INTS1: variants seen among roughly 807,000 people sequenced by gnomAD.
The protein encoded by INTS1 is integrator complex subunit 1.
INTS1 carries 137 observed loss-of-function variants against 241.6 expected under a neutral mutation model. The ratio of observed to expected loss-of-function variants is 0.57; its 90% CI spans 0.49 to 0.65. INTS1 has a LOEUF of 0.65. Among genes scored for constraint, INTS1 ranks in the 30% least tolerant of loss-of-function variants. INTS1 has a pLI of 0.00. For missense variants in INTS1, 3,073 were observed against 3,032.2 expected, an observed-to-expected ratio of 1.01 and a Z score of -0.32; for synonymous variants, 1,692 against 1,337.8, an observed-to-expected ratio of 1.26 and a Z score of -5.78.
At chr7:1,492,685 A>G (rs960780523) in intron 16 of INTS1, among the ~76,000 whole-genome samples, 1 of 152,240 alleles carries the variant, frequency 6.6e-6, no homozygotes, top group Non-Finnish European at 1.5e-5. Flanking sequence ...ACTGAGCTGG[A>G]GACACCGGGG....
Position 1,500,319 on chromosome 7 carries a change from C to A in INTS1, c.397G>T (p.Gly133Cys). The A allele has an allele frequency of 6.3e-7, 1 of 1,591,584 alleles. No individual in the cohort carries two copies. The highest frequency in any genetic ancestry group is 8.6e-7 in the Non-Finnish European group (1 of 1,167,150). ...LDEIEAAELE[G>C]NDDRIEGVLC... ...ACGCCCTCGATCCTGTCATCGTTGC[C>A]CTCCAGCTCGGCCGCCTCGATCTCA... The change falls in exon 4 of 48, where the codon GGC (glycine) becomes TGC (cysteine). Residue 133 changes from glycine (G) to cysteine (C), a missense_variant. Physicochemically the swap from Gly to Cys is radical, Grantham distance 159 (BLOSUM62 -3). Transcript: ENST00000404767.
rs375278214 is a variant in INTS1, at chr7:1,473,600, T to C, written c.5923A>G (p.Ile1975Val). 1.2e-5 allele frequency: 20 copies of C among 1,609,246 alleles called. No homozygotes were observed. Among genetic ancestry groups the C allele is most frequent in the Non-Finnish European group, 1.6e-5 (19 of 1,178,014 alleles). The change falls in exon 42 of 48, where the codon ATC becomes GTC. Residue 1975 changes from isoleucine to valine, a missense_variant. Coordinates refer to ENST00000404767, the MANE Select transcript of INTS1 (RefSeq NM_001080453.3). ...TCGGCGTGCTTCTGCAGGAAGGAGA[T>C]GGCTGCTGGGGCATTGTAGGTAATG... is the stretch of plus-strand genomic sequence containing the variant. ...KYITYNAPAAISFLQKHADPL... is the reference protein window; with the variant it reads ...KYITYNAPAAVSFLQKHADPL...
rs1354903297 is a variant in INTS1, at chr7:1,500,154, G to A, written c.546+16C>T. 1 of 1,581,574 alleles carries A rather than the reference G, an allele frequency of 6.3e-7. No individual in the cohort carries two copies. Among genetic ancestry groups the A allele is most frequent in the Admixed American group, 1.7e-5 (1 of 57,462 alleles). ...CCCCAGCGCTGCTCGCCTCCTGCCA[G>A]GGGCCCGGCTCAAACCTCAATGACG... On this transcript the variant is annotated intron_variant, in intron 4 of 47. Coordinates refer to ENST00000404767, the MANE Select transcript of INTS1 (RefSeq NM_001080453.3).
rs1262243952 is a variant in INTS1, at chr7:1,475,990, G to A, written c.5460C>T (p.Val1820=). The A allele has an allele frequency of 1.9e-6, 3 of 1,545,448 alleles. No homozygotes were observed. Among genetic ancestry groups the A allele is most frequent in the Admixed American group, 2.0e-5 (1 of 51,004 alleles). Residue 1820 remains valine, a synonymous_variant, in exon 39 of 48, where the codon GTC becomes GTT. Coordinates refer to ENST00000404767, the MANE Select transcript of INTS1 (RefSeq NM_001080453.3). ...RPELRVPVPE[V]LLHSEGAASS... ...TGGCAGCCCCTTCGCTGTGCAGTAGGACCTCAGGCACGGGCACCCGCAGCT... is the reference window on the plus strand; with the variant it reads ...TGGCAGCCCCTTCGCTGTGCAGTAGAACCTCAGGCACGGGCACCCGCAGCT...
Position 1,486,963 on chromosome 7 carries a change from C to G in INTS1, c.2785G>C (p.Asp929His), listed in dbSNP as rs550131338. 11 of 1,607,878 alleles carry G rather than the reference C, an allele frequency of 6.8e-6. No homozygotes were observed. The East Asian group carries it at 1.8e-4, about 26-fold the overall frequency. ...TTCTGCTCCTTGCTCTCGCCCTCGT[C>G]GTCCTCCTCCCCGGAAGCAGCATCG... ...VDDAASGEEDDEGESKEQKAK... is the reference protein window; with the variant it reads ...VDDAASGEEDHEGESKEQKAK... The change falls in exon 21 of 48, where the codon GAC (aspartate) becomes CAC (histidine). Residue 929 changes from aspartate (D) to histidine (H), a missense_variant. Physicochemically the swap from Asp to His is moderately conservative, Grantham distance 81 (BLOSUM62 -1). Transcript: ENST00000404767.
At position 1,487,804 on chromosome 7, in the gene INTS1, C is replaced by T; in HGVS notation, c.2472G>A (p.Glu824=). The change falls in exon 19 of 48, where the codon GAG becomes GAA. Residue 824 remains glutamate, a synonymous_variant. Coordinates refer to ENST00000404767, the MANE Select transcript of INTS1 (RefSeq NM_001080453.3). ...AAASTKQTIT[E]SSSLLLSQLT... ...GCTGCGACAGGAGGAGGCTGCTGCT[C>T]TCAGTGATGGTCTGCTTGGTGGACG... 3 of 1,612,254 alleles carry T rather than the reference C, an allele frequency of 1.9e-6. No homozygotes were observed. Among genetic ancestry groups the T allele is most frequent in the Non-Finnish European group, 2.5e-6 (3 of 1,179,822 alleles).
chr7:1,474,660 T>A (rs186956818), intron 40 of INTS1, 45 bp downstream of exon 40: 1 of 1,528,932 alleles, frequency 6.5e-7, no homozygotes, highest in Admixed American at 2.0e-5. Flanking sequence ...CAGACCCCCC[T>A]GGTTAAACCA....
Position 1,479,448 on chromosome 7 carries a change from G to A in INTS1, c.4311C>T (p.Arg1437=). The A allele has an allele frequency of 1.3e-6, 2 of 1,578,400 alleles. No individual in the cohort carries two copies. Among genetic ancestry groups the A allele is most frequent in the Non-Finnish European group, 1.7e-6 (2 of 1,163,184 alleles). ...CAAGTACCTGGTACTGGCAGAGCTG[G>A]CGCAGCAGCGGGCAGGCCAGGAAGT... is the stretch of plus-strand genomic sequence containing the variant. ...RSHFLACPLL[R]QLCQYQRCVP... The change falls in exon 31 of 48, where the codon CGC becomes CGT. Residue 1437 remains arginine, a synonymous_variant. Transcript: ENST00000404767.
Position 1,480,378 on chromosome 7 carries a change from C to T in INTS1, c.4013G>A (p.Arg1338Gln), listed in dbSNP as rs758338830. ...PEQPIGQGRIRVGTQLRVLGP... is the reference protein window; with the variant it reads ...PEQPIGQGRIQVGTQLRVLGP... ...CAGCACCCGGAGCTGGGTCCCCACC[C>T]GAATCCGGCCCTGGCCTATGGGCTG... is the stretch of plus-strand genomic sequence containing the variant. The change falls in exon 30 of 48, where the codon CGG becomes CAG. Residue 1338 changes from arginine (R) to glutamine (Q), a missense_variant. Coordinates refer to ENST00000404767, the MANE Select transcript of INTS1 (RefSeq NM_001080453.3). 7 of 1,612,528 alleles carry T rather than the reference C, an allele frequency of 4.3e-6. No individual in the cohort carries two copies. Among genetic ancestry groups the T allele is most frequent in the East Asian group, 2.2e-5 (1 of 44,866 alleles).
At position 1,498,569 on chromosome 7, in the gene INTS1, G is replaced by T. The variant is rs1220374996; in HGVS notation, c.1284-16C>A. Reference sequence around the variant, plus strand: ...CAGCAGCTCCCTGGGTGAGGTGAGGGTACAGACCCTGTCCCCGCTACGCCT... The same window carrying T: ...CAGCAGCTCCCTGGGTGAGGTGAGGTTACAGACCCTGTCCCCGCTACGCCT... On this transcript the variant is annotated splice_polypyrimidine_tract_variant and intron_variant, in intron 9 of 47. Coordinates refer to ENST00000404767, the MANE Select transcript of INTS1 (RefSeq NM_001080453.3). 1 of 1,612,798 alleles carries T rather than the reference G, an allele frequency of 6.2e-7. No homozygotes were observed. Among genetic ancestry groups the T allele is most frequent in the African/African-American group, 1.3e-5 (1 of 74,748 alleles).
intron 36 of INTS1, 22 bp downstream of exon 36, chr7:1,476,772 T>A (rs200367907): frequency 7.4e-6 from 12 of 1,612,392 alleles, no homozygotes; most frequent in African/African-American, 1.3e-5. Flanking sequence ...GCAGCCCAGG[T>A]TGGGGACAGG....
Position 1,472,371 on chromosome 7 carries a change from C to T in INTS1, c.6086G>A (p.Gly2029Asp), listed in dbSNP as rs866108669. The T allele has an allele frequency of 6.4e-7, 1 of 1,558,094 alleles. No homozygotes were observed. Among genetic ancestry groups the T allele is most frequent in the African/African-American group, 1.4e-5 (1 of 73,992 alleles). ...DEEGEEESSA[G>D]SLPLVSVSLF... Reference sequence around the variant, plus strand: ...GGAGACGCTGACCAGGGGCAAGGAGCCGGCTGAGCTCTCCTCTGGAAGACA... The same window carrying T: ...GGAGACGCTGACCAGGGGCAAGGAGTCGGCTGAGCTCTCCTCTGGAAGACA... The change falls in exon 44 of 48, where the codon GGC becomes GAC. Residue 2029 changes from glycine to aspartate, a missense_variant. Coordinates refer to ENST00000404767, the MANE Select transcript of INTS1 (RefSeq NM_001080453.3).
At position 1,493,927 on chromosome 7, in the gene INTS1, G is replaced by A. The variant is rs1426477363; in HGVS notation, c.1911-16C>T. On this transcript the variant is annotated splice_polypyrimidine_tract_variant and intron_variant, in intron 14 of 47. Coordinates refer to ENST00000404767, the MANE Select transcript of INTS1 (RefSeq NM_001080453.3). The surrounding 1 kb of genome is among the most constrained non-coding windows in gnomAD (Gnocchi z 5.3). ...CAGGAAGAAGCTGCGGGGTGGGGGA[G>A]GCATGACTCGGTGTGGGCTGCCCAC... The A allele has an allele frequency of 2.8e-5, 43 of 1,550,654 alleles. No individual in the cohort carries two copies. The highest frequency in any genetic ancestry group is 3.6e-5 in the Non-Finnish European group (41 of 1,146,672).
Position 1,481,201 on chromosome 7 carries a change from G to A in INTS1, c.3850+141C>T, listed in dbSNP as rs762554232. The A allele has an allele frequency of 1.5e-5, 15 of 985,392 alleles. No individual in the cohort carries two copies. The highest frequency in any genetic ancestry group is 1.1e-4 in the South Asian group (8 of 72,454). 61.0% of individuals were successfully genotyped at this position (985,392 alleles called of 1,614,324 possible). Reference sequence around the variant, plus strand: ...CTGTGCCAGCCTCACCAACCCACAGGTCTAAGCCTGCCCTCGAGTGCCACC... The same window carrying A: ...CTGTGCCAGCCTCACCAACCCACAGATCTAAGCCTGCCCTCGAGTGCCACC... On this transcript the variant is annotated intron_variant, in intron 28 of 47. Transcript: ENST00000404767. This position sits in a 1 kb window ranked among gnomAD's most constrained non-coding sequence, Gnocchi z 6.8.
In INTS1 at chr7:1,477,785, C is replaced by T. The variant is rs1584264206; in HGVS notation, c.4782G>A (p.Leu1594=). 2 of 1,612,516 alleles carry T rather than the reference C, an allele frequency of 1.2e-6. No homozygotes were observed. The highest frequency in any genetic ancestry group is 8.5e-7 in the Non-Finnish European group (1 of 1,179,806). ...CGTCCGCACCCGGCTTCCCCCCAGC[C>T]AGGGGCTCCTCCTCCTGCAGCAGCA... The part of the protein sequence containing the change: ...SSLLLQEEEP[L]AGGKPGADGG... The change falls in exon 34 of 48, where the codon CTG becomes CTA. Residue 1594 remains leucine (L), a synonymous_variant. Transcript: ENST00000404767.
intron 3 of INTS1, among the ~76,000 whole-genome samples, chr7:1,502,545 C>G (rs1035480275): frequency 2.0e-5 from 3 of 152,152 alleles, no homozygotes; most frequent in Admixed American, 1.3e-4. Flanking sequence ...AGGAACGCAC[C>G]AGGATGGGCA....
Position 1,477,756 on chromosome 7 carries a change from C to A in INTS1, c.4811G>T (p.Gly1604Val), listed in dbSNP as rs781566226. 1.2e-6 allele frequency: 2 copies of A among 1,612,040 alleles called. No homozygotes were observed. Among genetic ancestry groups the A allele is most frequent in the Middle Eastern group, 3.3e-4 (2 of 6,018 alleles). The change falls in exon 34 of 48, where the codon GGC (glycine) becomes GTC (valine). Residue 1604 changes from glycine to valine, a missense_variant. Physicochemically the swap from Gly to Val is moderately radical, Grantham distance 109. Coordinates refer to ENST00000404767, the MANE Select transcript of INTS1 (RefSeq NM_001080453.3). Reference protein sequence around the residue: ...LAGGKPGADGGSLEAVRLGPS... With the variant: ...LAGGKPGADGVSLEAVRLGPS... ...CGTGTGCAGCACCCCAGCTCACCTG[C>A]CACCGTCCGCACCCGGCTTCCCCCC...
rs1781795493 is a variant in INTS1 at position 1,477,836 on chromosome 7, A to T, written c.4731T>A (p.Cys1577Ter). 6.2e-7 allele frequency: 1 copy of T among 1,612,500 alleles called. No individual in the cohort carries two copies. The highest frequency in any genetic ancestry group is 8.5e-7 in the Non-Finnish European group (1 of 1,179,852). The stretch of plus-strand genomic sequence containing the variant: ...GGGAGCTCACCACCACAACGGGCTT[A>T]CAGGCTGGAAACGGGGAGGCAGCAT... ...TADAASPFPA[C>*]KPVVVVSSLL... is the part of the protein sequence containing the mutation. The change falls in exon 34 of 48, where the codon TGT (cysteine) becomes TGA (stop). Residue 1577 changes from cysteine (C) to a stop codon, truncating the protein, a stop_gained. Coordinates refer to ENST00000404767, the MANE Select transcript of INTS1 (RefSeq NM_001080453.3). LOFTEE classifies it high-confidence loss of function.
chr7:1,496,281 G>C lies in INTS1; in HGVS notation c.1603-17C>G, dbSNP rs1346729202. 2 of 1,610,276 alleles carry C rather than the reference G, an allele frequency of 1.2e-6. No homozygotes were observed. The highest frequency in any genetic ancestry group is 2.7e-5 in the African/African-American group (2 of 74,814). On this transcript the variant is annotated splice_polypyrimidine_tract_variant and intron_variant, in intron 11 of 47. Coordinates refer to ENST00000404767, the MANE Select transcript of INTS1 (RefSeq NM_001080453.3). ...GAAGCGCTCCTGCAGGTGCAGCACG[G>C]GGTCTGTATCCAGAAGGGACACCCG...
Sources: gnomAD v4.1 joint callset for allele counts (sites outside exome capture counted in the v4.1 genomes callset) on GRCh38, gnomAD v4.1.1 for gene constraint, Gnocchi (gnomAD v3.1) non-coding constraint, MANE v1.5 for transcripts, NCBI Gene and HGNC (gene_info 2026-07-23, HGNC 2026-07-21) for gene names.